The following ZNF248 variants were observed in gnomAD, a reference collection of about 807,000 sequenced individuals.
The protein encoded by ZNF248 is KRAB protein domain.
Under a neutral mutation model 44.3 loss-of-function variants are expected in ZNF248, and 20 were observed. That is an observed-to-expected ratio of 0.45 (90% CI 0.32 to 0.66). ZNF248 has a LOEUF of 0.66. Among genes scored for constraint, ZNF248 ranks in the 30% least tolerant of loss-of-function variants. The pLI is 0.04. For missense variants in ZNF248, 654 were observed against 677.0 expected, an observed-to-expected ratio of 0.97 and a Z score of 0.38; for synonymous variants, 224 against 229.0, an observed-to-expected ratio of 0.98 and a Z score of 0.20.
At chr10:37,775,142 T>C (rs1321648849), downstream of ZNF248, among the ~76,000 whole-genome samples, 2 of 152,188 alleles carry the variant, frequency 1.3e-5, no homozygotes, top group East Asian at 3.9e-4. Context: ...AGTCTGCACG[T>C]TACTAATAAT....
chr10:37,838,118 T>G lies in ZNF248; in HGVS notation c.16-7A>C. The G allele has an allele frequency of 6.2e-7, 1 of 1,606,792 alleles. No individual in the cohort carries two copies. Among genetic ancestry groups the G allele is most frequent in the Non-Finnish European group, 8.5e-7 (1 of 1,175,922 alleles). On this transcript the variant is annotated splice_region_variant and splice_polypyrimidine_tract_variant and intron_variant, in intron 3 of 5. Transcript: ENST00000395867. ...CCTTGAATGACACTTGTTCCTGTAA[T>G]AGTATACTCTTTTTACATGAAATGG... is the stretch of plus-strand genomic sequence containing the variant.
At chr10:37,775,454 C>A (rs1471150567), downstream of ZNF248, 1 of 152,028 alleles carries the variant, frequency 6.6e-6, no homozygotes, top group African/African-American at 2.4e-5. Context: ...CTGCTACGGA[C>A]CTTTGAGATT....
chr10:37,796,999 G>T (rs895272580), intron 6 of ZNF248, among the ~76,000 whole-genome samples: 1 of 151,826 alleles, frequency 6.6e-6, no homozygotes, highest in East Asian at 1.9e-4. Flanking sequence ...AGAAAGGAGA[G>T]AATTATAACA....
intron 6 of ZNF248, among the ~76,000 whole-genome samples, chr10:37,817,688 G>C (rs904010418): frequency 7.9e-5 from 12 of 152,174 alleles, no homozygotes; most frequent in African/African-American, 2.9e-4. Flanking sequence ...AAAGGGGAGA[G>C]GGAAGCTGCA....
downstream of ZNF248, among the ~76,000 whole-genome samples, chr10:37,825,375 T>C (rs2054212913): frequency 6.6e-6 from 1 of 152,104 alleles, no homozygotes; most frequent in Non-Finnish European, 1.5e-5. Flanking sequence ...TTAGTAAGGT[T>C]GGAATTTTTT....
intron 5 of ZNF248, among the ~76,000 whole-genome samples, chr10:37,835,233 GAA>G (rs1211491547): frequency 2.0e-5 from 3 of 152,130 alleles, no homozygotes; most frequent in African/African-American, 7.2e-5. Flanking sequence ...TTATATCAGT[GAA>G]AAGTGAGAAT....
chr10:37,770,017 T>C, the ZNF248 span, among the ~76,000 whole-genome samples: 1 of 152,164 alleles, frequency 6.6e-6, no homozygotes, highest in Non-Finnish European at 1.5e-5. Flanking sequence ...TGAACTCCCT[T>C]TCACCATTGC....
intron 6 of ZNF248, among the ~76,000 whole-genome samples, chr10:37,782,291 A>T (rs1015279308): frequency 6.6e-6 from 1 of 152,208 alleles, no homozygotes; most frequent in Non-Finnish European, 1.5e-5. Context: ...AGGATGGACC[A>T]TGACTGATTA....
At chr10:37,780,100 T>C (rs1588985880) in intron 6 of ZNF248, among the ~76,000 whole-genome samples, 1 of 149,616 alleles carries the variant, frequency 6.7e-6, no homozygotes, top group Admixed American at 6.8e-5. Context: ...CCAAGGTAAT[T>C]TACAGATTCA....
chr10:37,831,085 TAA>T lies in ZNF248; in HGVS notation c.*528_*529del. 2 of 1,357,782 alleles carry T rather than the reference TAA, an allele frequency of 1.5e-6. No individual in the cohort carries two copies. The highest frequency in any genetic ancestry group is 1.9e-6 in the Non-Finnish European group (2 of 1,042,484). The allele number at this position is 1,357,782 out of a possible 1,614,324, so 84.1% of individuals were successfully genotyped here. ...ACACATATATAATTATGTCAACCTA[TAA>T]AGACACCAATGGTATTTAGTGTAGA... On this transcript the variant is annotated 3_prime_UTR_variant, in exon 6 of 6. Coordinates refer to ENST00000395867, the MANE Select transcript of ZNF248 (RefSeq NM_021045.3).
intron 6 of ZNF248, among the ~76,000 whole-genome samples, chr10:37,814,180 C>A (rs2052037386): frequency 6.6e-6 from 1 of 151,662 alleles, no homozygotes; most frequent in African/African-American, 2.4e-5. Context: ...TATGTGTGTT[C>A]TCTACAGCTG....
rs921512018 is a variant in ZNF248, at chr10:37,846,733, T to C, written c.16-8622A>G. ...CACAACACAATCTATGATAAATTCT[T>C]AGCAAAACATAAGCATCAATCAGGA... On this transcript the variant is annotated intron_variant, in intron 3 of 5. Coordinates refer to ENST00000395867, the MANE Select transcript of ZNF248 (RefSeq NM_021045.3). Among the ~76,000 whole-genome samples, 3 of 152,100 alleles carry C rather than the reference T, an allele frequency of 2.0e-5. No homozygotes were observed. In the South Asian group the frequency reaches 6.2e-4, roughly 32 times the overall value.
At chr10:37,764,640 C>T in the ZNF248 span, among the ~76,000 whole-genome samples, 12 of 152,200 alleles carry the variant, frequency 7.9e-5, no homozygotes, top group South Asian at 6.2e-4. Flanking sequence ...CTCTTTTGTA[C>T]TCTTTCCCTT....
chr10:37,773,691 C>T (rs1236537386), downstream of ZNF248, among the ~76,000 whole-genome samples: 9 of 152,096 alleles, frequency 5.9e-5, no homozygotes, highest in East Asian at 1.5e-3. Flanking sequence ...CAAGGTCATC[C>T]TCTCTACACA....
intron 6 of ZNF248, chr10:37,819,005 C>A: frequency 2.2e-6 from 2 of 911,178 alleles, no homozygotes; most frequent in Non-Finnish European, 3.7e-6. Flanking sequence ...GCAATAAGTG[C>A]CAGCACCTTG....
chr10:37,774,917 C>T (rs1445759935), downstream of ZNF248, among the ~76,000 whole-genome samples: 1 of 151,894 alleles, frequency 6.6e-6, no homozygotes, highest in Non-Finnish European at 1.5e-5. Context: ...AGTAGCTGGC[C>T]ACGCCACCAC....
chr10:37,773,298 T>G (rs1255869515), downstream of ZNF248, among the ~76,000 whole-genome samples: 2 of 152,180 alleles, frequency 1.3e-5, no homozygotes, highest in Non-Finnish European at 2.9e-5. Context: ...GAGACTGTTT[T>G]TGGAGACATT....
intron 3 of ZNF248, 113 bp downstream of exon 3, chr10:37,856,183 C>T: frequency 2.4e-6 from 3 of 1,230,840 alleles, no homozygotes; most frequent in South Asian, 1.5e-5. Flanking sequence ...GTTTTATTTC[C>T]CTTAATGTCA....
downstream of ZNF248, among the ~76,000 whole-genome samples, chr10:37,773,278 A>C (rs1008662464): frequency 1.3e-5 from 2 of 152,202 alleles, no homozygotes; most frequent in Middle Eastern, 3.2e-3. Context: ...ATCTGTATCA[A>C]GAATCAGAAG....
Sources: gnomAD v4.1 joint callset for allele counts (sites outside exome capture counted in the v4.1 genomes callset) on GRCh38, gnomAD v4.1.1 for gene constraint, MANE v1.5 for transcripts, NCBI Gene and HGNC (gene_info 2026-07-23, HGNC 2026-07-21) for gene names.